Variants in MET observed in about 807,000 individuals in gnomAD.
The protein encoded by MET is MET proto-oncogene, receptor tyrosine kinase.
In MET, 48 loss-of-function variants were observed where a neutral mutation model predicts 133.1. The ratio of observed to expected loss-of-function variants is 0.36; its 90% CI spans 0.29 to 0.46. MET has a LOEUF of 0.46. Among genes scored for constraint, MET ranks in the 20% least tolerant of loss-of-function variants. The probability of loss-of-function intolerance (pLI) is 1.00; values close to 1 mark genes in which losing one functional copy is unlikely to be tolerated. For missense variants in MET, 1,442 were observed against 1,695.9 expected (o/e 0.85, Z 2.63); for synonymous variants, 628 against 616.5 (o/e 1.02, Z -0.28).
At chr7:116,702,424 A>G (rs1791617631) in intron 2 of MET, among the ~76,000 whole-genome samples, 1 of 152,108 alleles carries the variant, frequency 6.6e-6, no homozygotes, top group South Asian at 2.1e-4. Flanking sequence ...CAGACCTCAG[A>G]TTGTTCCAAT....
rs74621320 is a variant in MET, at chr7:116,683,949, A to T, written c.-15+11372A>T. Among the ~76,000 whole-genome samples, 7 of 152,252 alleles carry T rather than the reference A, an allele frequency of 4.6e-5. No homozygotes were observed. In the East Asian group the frequency reaches 1.2e-3, roughly 25 times the overall value. ...ATTCACAAGTGATCTCACTTCAGTG[A>T]CTTCCAATACACCGATGGACGAGTG... On this transcript the variant is annotated intron_variant, in intron 1 of 20. Transcript: ENST00000397752.
At chr7:116,767,974 A>ATGTG (rs36013546) in intron 11 of MET, among the ~76,000 whole-genome samples, 2,605 of 140,182 alleles carry the variant, frequency 0.019, 71 homozygotes, top group African/African-American at 0.055. Context: ...ATATATATAT[A>ATGTG]TGTGTGTGTG....
At chr7:116,678,400 C>T (rs537310919) in intron 1 of MET, among the ~76,000 whole-genome samples, 2 of 151,182 alleles carry the variant, frequency 1.3e-5, no homozygotes, top group Non-Finnish European at 2.9e-5. Context: ...TGAGGCAGCA[C>T]CTAGACTCTC....
chr7:116,785,385 G>T (rs1019705469), intron 19 of MET, among the ~76,000 whole-genome samples: 1 of 152,176 alleles, frequency 6.6e-6, no homozygotes, highest in Non-Finnish European at 1.5e-5. Context: ...CAGGCATCTT[G>T]CATGGCAGGA....
rs764929802 is a variant in MET, at chr7:116,797,717, G to A, written c.*1593G>A. ...TGAACATTTTAGAAAAGGTATGTCAGACTGGGATTAATGACAGCATGATTT... is the reference window on the plus strand; with the variant it reads ...TGAACATTTTAGAAAAGGTATGTCAAACTGGGATTAATGACAGCATGATTT... On this transcript the variant is annotated 3_prime_UTR_variant, in exon 21 of 21. Coordinates refer to ENST00000397752, the MANE Select transcript of MET (RefSeq NM_000245.4). 44 of 227,982 alleles carry A rather than the reference G, an allele frequency of 1.9e-4. No individual in the cohort carries two copies. Among genetic ancestry groups the A allele is most frequent in the Non-Finnish European group, 3.4e-4 (39 of 114,586 alleles). 14.1% of individuals were successfully genotyped at this position (227,982 alleles called of 1,614,324 possible).
intron 2 of MET, among the ~76,000 whole-genome samples, chr7:116,725,308 G>C (rs1381548414): frequency 2.6e-5 from 4 of 152,128 alleles, no homozygotes; most frequent in African/African-American, 9.6e-5. Context: ...CAAATGTTAT[G>C]TAACATTATA....
At chr7:116,772,561 T>C (rs915248019) in intron 14 of MET, among the ~76,000 whole-genome samples, 1 of 152,190 alleles carries the variant, frequency 6.6e-6, no homozygotes, top group African/African-American at 2.4e-5. Context: ...TGCCTAGTAA[T>C]GTTCAGGTTA....
At chr7:116,716,597 G>C (rs1189321026) in intron 2 of MET, among the ~76,000 whole-genome samples, 2 of 152,152 alleles carry the variant, frequency 1.3e-5, no homozygotes, top group African/African-American at 4.8e-5. Flanking sequence ...TTACGGAGAG[G>C]GTAGCTATTG....
At chr7:116,764,619 T>G (rs1794548348) in intron 11 of MET, among the ~76,000 whole-genome samples, 1 of 152,124 alleles carries the variant, frequency 6.6e-6, no homozygotes, top group Non-Finnish European at 1.5e-5. Flanking sequence ...AAGAGAAAAC[T>G]TCTCTTTCCA....
At position 116,689,559 on chromosome 7, in the gene MET, C is replaced by CTTTTTTTTTTTTT. The variant is rs534819031; in HGVS notation, c.-14-9497_-14-9485dup. On this transcript the variant is annotated intron_variant, in intron 1 of 20. Coordinates refer to ENST00000397752, the MANE Select transcript of MET (RefSeq NM_000245.4). ...ATCTCAGTTGGGATATGGGCTTACT[C>CTTTTTTTTTTTTT]TTTTTTTTTTTTTTTTTTTTTTTTT... Among the ~76,000 whole-genome samples the CTTTTTTTTTTTTT allele has an allele frequency of 4.2e-5, 4 of 94,810 alleles. 1 individual carries two copies. Among genetic ancestry groups the CTTTTTTTTTTTTT allele is most frequent in the African/African-American group, 1.8e-4 (4 of 22,492 alleles). The allele number at this position is 94,810 out of a possible 152,430, so 62.2% of individuals were successfully genotyped here.
chr7:116,757,859 T>C (rs559354080), intron 8 of MET, 85 bp downstream of exon 8: 1 of 1,454,266 alleles, frequency 6.9e-7, no homozygotes, highest in Non-Finnish European at 9.6e-7. Flanking sequence ...TTTGTGTGTG[T>C]GTGTGGAGAA....
chr7:116,696,168 C>A (rs985193426), intron 1 of MET, among the ~76,000 whole-genome samples: 5 of 152,104 alleles, frequency 3.3e-5, no homozygotes, highest in African/African-American at 1.2e-4. Context: ...CGCGCTCAGC[C>A]AGGAATTTTC....
intron 2 of MET, among the ~76,000 whole-genome samples, chr7:116,717,261 G>A (rs1472379337): frequency 6.6e-6 from 1 of 152,172 alleles, no homozygotes; most frequent in Non-Finnish European, 1.5e-5. Context: ...TGAATTCAAT[G>A]TCAACATCTT....
intron 2 of MET, among the ~76,000 whole-genome samples, chr7:116,702,125 G>T (rs186482548): frequency 2.8e-4 from 43 of 152,138 alleles, no homozygotes; most frequent in African/African-American, 9.9e-4. Context: ...GACAGGATTA[G>T]CCAATGAAAT....
chr7:116,772,079 A>G, intron 14 of MET, 90 bp downstream of exon 14: 2 of 1,444,896 alleles, frequency 1.4e-6, no homozygotes, highest in Non-Finnish European at 1.9e-6. Context: ...TTGCATTTAT[A>G]TTTTTATAAA....
At chr7:116,744,474 G>T (rs1793587251) in intron 5 of MET, among the ~76,000 whole-genome samples, 1 of 152,156 alleles carries the variant, frequency 6.6e-6, no homozygotes, top group Non-Finnish European at 1.5e-5. Context: ...ATAAAGTGTG[G>T]AGACAAGATT....
At chr7:116,724,392 C>A in intron 2 of MET, 1 of 320,726 alleles carries the variant, frequency 3.1e-6, no homozygotes, top group South Asian at 2.8e-5. Flanking sequence ...GAGATGAACC[C>A]AGTACCTCAG....
intron 2 of MET, among the ~76,000 whole-genome samples, chr7:116,723,683 G>T (rs895749698): frequency 6.6e-6 from 1 of 152,146 alleles, no homozygotes. Flanking sequence ...CTTTCTGTTT[G>T]TTAGTTTTCC....
At chr7:116,681,981 G>A (rs1454197784) in intron 1 of MET, among the ~76,000 whole-genome samples, 1 of 151,420 alleles carries the variant, frequency 6.6e-6, no homozygotes, top group African/African-American at 2.4e-5. Context: ...TATGCATTTT[G>A]GACTTTTCAA....
Sources: allele counts gnomAD v4.1 joint callset (sites outside exome capture counted in the v4.1 genomes callset), GRCh38; gene constraint gnomAD v4.1.1; transcripts MANE v1.5; gene names NCBI Gene and HGNC (gene_info 2026-07-23, HGNC 2026-07-21).